HTR4: variants seen among roughly 807,000 people sequenced by gnomAD.
HTR4 encodes 5-hydroxytryptamine receptor 4.
Under a neutral mutation model 36.8 loss-of-function variants are expected in HTR4, and 16 were observed. The observed-to-expected ratio is 0.43, with a 90% CI of 0.29 to 0.66. The LOEUF is 0.66. Ranked by LOEUF, HTR4 falls within the 30% of genes least tolerant of loss-of-function variation. The pLI, the probability that HTR4 is intolerant of heterozygous loss-of-function variation, is 0.13. For synonymous variants in HTR4, 189 were observed against 185.1 expected (o/e 1.02, Z -0.17); for missense variants, 438 against 490.9 (o/e 0.89, Z 1.02).
intron 6 of HTR4, among the ~76,000 whole-genome samples, chr5:148,489,441 G>A (rs1462404025): frequency 6.6e-6 from 1 of 152,148 alleles, no homozygotes; most frequent in Non-Finnish European, 1.5e-5. Flanking sequence ...AGGAGTGACA[G>A]TGAGTCAGGT....
At chr5:148,566,885 A>G (rs575755385) in intron 2 of HTR4, among the ~76,000 whole-genome samples, 23 of 151,724 alleles carry the variant, frequency 1.5e-4, no homozygotes, top group African/African-American at 2.9e-4. Flanking sequence ...AATTTGAATT[A>G]TTTCTTCATT....
chr5:148,577,479 G>T (rs1252699306), intron 2 of HTR4, among the ~76,000 whole-genome samples: 3 of 151,824 alleles, frequency 2.0e-5, no homozygotes, highest in African/African-American at 7.3e-5. Flanking sequence ...ATATGCCCAG[G>T]CGAATATAAA....
At chr5:148,477,548 G>A (rs1755738417), downstream of HTR4, among the ~76,000 whole-genome samples, 1 of 152,168 alleles carries the variant, frequency 6.6e-6, no homozygotes, top group African/African-American at 2.4e-5. Context: ...GGTAATTTCT[G>A]CATCCTTGGA....
intron 4 of HTR4, among the ~76,000 whole-genome samples, chr5:148,540,942 A>G (rs954908518): frequency 6.6e-6 from 1 of 152,198 alleles, no homozygotes; most frequent in African/African-American, 2.4e-5. Flanking sequence ...AGGAATTTGC[A>G]TTTAGAGAGG....
At chr5:148,489,852 A>G (rs1756333740) in intron 6 of HTR4, among the ~76,000 whole-genome samples, 1 of 152,102 alleles carries the variant, frequency 6.6e-6, no homozygotes, top group Admixed American at 6.6e-5. Flanking sequence ...GTACTGCTCA[A>G]GGTTATCCTA....
intron 2 of HTR4, among the ~76,000 whole-genome samples, chr5:148,558,098 T>C (rs1760036808): frequency 6.6e-6 from 1 of 151,692 alleles, no homozygotes; most frequent in Admixed American, 6.6e-5. Context: ...TTTTTCACCC[T>C]TCCTGCCCAG....
At chr5:148,583,897 C>T (rs930075714) in intron 2 of HTR4, among the ~76,000 whole-genome samples, 4 of 152,126 alleles carry the variant, frequency 2.6e-5, no homozygotes, top group African/African-American at 7.2e-5. Flanking sequence ...TCCAGAATCT[C>T]CCAGTTTCTT....
At chr5:148,488,323 G>C (rs976529300) in intron 6 of HTR4, among the ~76,000 whole-genome samples, 1 of 152,166 alleles carries the variant, frequency 6.6e-6, no homozygotes, top group South Asian at 2.1e-4. Flanking sequence ...GACTCAGTGT[G>C]GTCCTGCTCT....
intron 5 of HTR4, 151 bp downstream of exon 5, chr5:148,523,042 G>A (rs1758095443): frequency 1.5e-6 from 1 of 659,184 alleles, no homozygotes; most frequent in Non-Finnish European, 2.5e-6. Flanking sequence ...TTGTCAGTAA[G>A]CATTCAAAAG....
intron 6 of HTR4, among the ~76,000 whole-genome samples, chr5:148,490,012 A>ATAAT (rs1221268687): frequency 6.6e-6 from 1 of 152,038 alleles, no homozygotes; most frequent in East Asian, 1.9e-4. Flanking sequence ...GGCAGAGAAA[A>ATAAT]TAATTTATAA....
chr5:148,523,126 A>G, intron 5 of HTR4, 67 bp downstream of exon 5: 1 of 1,358,714 alleles, frequency 7.4e-7, no homozygotes, highest in Non-Finnish European at 1.0e-6. Flanking sequence ...AATATTATTT[A>G]TTCATTTAGG....
chr5:148,577,671 A>C (rs6889525), intron 2 of HTR4, among the ~76,000 whole-genome samples: 41,230 of 151,956 alleles, frequency 0.27, 7,203 homozygotes, highest in African/African-American at 0.49. Flanking sequence ...TTTGCAGGAA[A>C]ATGGATGGAG....
At chr5:148,487,552 C>G (rs1005359825) in intron 6 of HTR4, among the ~76,000 whole-genome samples, 1 of 152,054 alleles carries the variant, frequency 6.6e-6, no homozygotes, top group South Asian at 2.1e-4. Context: ...CCTTTGACAG[C>G]GAGGGTAGGA....
exon 6 of HTR4, chr5:148,451,236 G>T (rs146547482): frequency 6.2e-7 from 1 of 1,613,870 alleles, no homozygotes; most frequent in Admixed American, 1.7e-5. Flanking sequence ...GCAGTTTCTC[G>T]AGTTCCTGAT....
At chr5:148,587,240 T>C (rs1761381662) in intron 2 of HTR4, among the ~76,000 whole-genome samples, 1 of 152,228 alleles carries the variant, frequency 6.6e-6, no homozygotes, top group Admixed American at 6.5e-5. Flanking sequence ...CTTGAAGATA[T>C]TTATAGTCGC....
chr5:148,487,332 G>A (rs1262960839), intron 6 of HTR4, among the ~76,000 whole-genome samples: 1 of 152,056 alleles, frequency 6.6e-6, no homozygotes, highest in East Asian at 1.9e-4. Context: ...AAAGTTATTA[G>A]CAGTTAATGA....
chr5:148,583,460 T>C (rs1466705386), intron 2 of HTR4, among the ~76,000 whole-genome samples: 1 of 151,652 alleles, frequency 6.6e-6, no homozygotes, highest in Non-Finnish European at 1.5e-5. Flanking sequence ...TAAAGTTAAT[T>C]TGATATTTTG....
At chr5:148,525,488 G>A (rs755832173) in intron 4 of HTR4, among the ~76,000 whole-genome samples, 21 of 152,110 alleles carry the variant, frequency 1.4e-4, no homozygotes, top group Non-Finnish European at 2.5e-4. Flanking sequence ...AAATGATGGG[G>A]CTTTGACTTT....
chr5:148,579,030 A>G (rs1293874025), intron 2 of HTR4, among the ~76,000 whole-genome samples: 1 of 152,070 alleles, frequency 6.6e-6, no homozygotes, highest in Non-Finnish European at 1.5e-5. Flanking sequence ...TGATTTCTGC[A>G]CACTAAGTTC....
Sources: allele counts gnomAD v4.1 joint callset (sites outside exome capture counted in the v4.1 genomes callset), GRCh38; gene constraint gnomAD v4.1.1; transcripts MANE v1.5; gene names NCBI Gene and HGNC (gene_info 2026-07-23, HGNC 2026-07-21).